CTBS: variants seen among roughly 807,000 people sequenced by gnomAD.
The protein encoded by CTBS is chitobiase.
A neutral mutation model predicts 44.3 loss-of-function variants in CTBS; 35 were observed. The ratio of observed to expected loss-of-function variants is 0.79; its 90% confidence interval spans 0.60 to 1.05. The LOEUF is 1.05. CTBS is among the 50% of genes least tolerant of loss of function. CTBS has a pLI of 0.00. For missense variants in CTBS, 458 were observed against 475.3 expected (o/e 0.96, Z 0.34); for synonymous variants, 143 against 168.0 (o/e 0.85, Z 1.15).
At position 84,563,319 on chromosome 1, in the gene CTBS, T is replaced by G; in HGVS notation, c.895A>C (p.Asn299His). 4 of 1,598,920 alleles carry G rather than the reference T, an allele frequency of 2.5e-6. No individual in the cohort carries two copies. The highest frequency in any genetic ancestry group is 3.4e-6 in the Non-Finnish European group (4 of 1,173,120). Residue 299 changes from asparagine to histidine, a missense_variant, in exon 6 of 7, where the codon AAT becomes CAT. Physicochemically the swap from Asn to His is moderately conservative, Grantham distance 68. Coordinates refer to ENST00000370630, the MANE Select transcript of CTBS (RefSeq NM_004388.3). ...CATAGGTTTCCAGAAATAGAACTAT[T>G]TATTTGCTTCATGATCGTTTTGTAG... is the stretch of plus-strand genomic sequence containing the variant. Reference protein sequence around the residue: ...VPYKTIMKQINSSISGNLWDK... With the variant: ...VPYKTIMKQIHSSISGNLWDK...
chr1:84,557,943 GT>G (rs1684496864), intron 6 of CTBS, among the ~76,000 whole-genome samples: 1 of 151,896 alleles, frequency 6.6e-6, no homozygotes. Flanking sequence ...GCACCAAAAT[GT>G]TTCCTGAATT....
chr1:84,565,928 G>A lies in CTBS; in HGVS notation c.610C>T (p.Leu204Phe), dbSNP rs1375633255. The change falls in exon 4 of 7, where the codon CTC (leucine) becomes TTC (phenylalanine). Residue 204 changes from leucine (L) to phenylalanine (F), a missense_variant. Transcript: ENST00000370630. Reference protein sequence around the residue: ...YTGIADACDFLFVMSYDEQSQ... With the variant: ...YTGIADACDFFFVMSYDEQSQ... ...TGTTCATCATAAGACATCACAAAGA[G>A]GAAGTCACAAGCATCTGCGATTCCA... 4.4e-6 allele frequency: 7 copies of A among 1,601,972 alleles called. No individual in the cohort carries two copies. The South Asian group carries it at 7.9e-5, about 18-fold the overall frequency.
rs757159462 is a variant in CTBS, at chr1:84,565,843, G to A, written c.695C>T (p.Thr232Ile). 4.8e-5 allele frequency: 73 copies of A among 1,522,848 alleles called. No homozygotes were observed. The Middle Eastern group carries it at 5.1e-4, about 11-fold the overall frequency. The allele number at this position is 1,522,848 out of a possible 1,614,324, so 94.3% of individuals were successfully genotyped here. A position where few individuals can be genotyped will look rare whatever the true frequency, so the allele number is the denominator to read the frequency against. The change falls in exon 4 of 7, where the codon ACT becomes ATT. Residue 232 changes from threonine to isoleucine, a missense_variant and splice_region_variant. Transcript: ENST00000370630. ...AANAPYNQTL[T>I]GYNDYIKMSI... ...AATGACCATGTTTAGAGTCTTACCAGTTAATGTCTGATTATAGGGAGCATT... is the reference window on the plus strand; with the variant it reads ...AATGACCATGTTTAGAGTCTTACCAATTAATGTCTGATTATAGGGAGCATT...
chr1:84,564,956 T>A (rs1209345525), intron 4 of CTBS, among the ~76,000 whole-genome samples: 1 of 152,074 alleles, frequency 6.6e-6, no homozygotes, highest in Non-Finnish European at 1.5e-5. Flanking sequence ...GGGGGATCAC[T>A]TAAGCCCAGG....
chr1:84,568,548 A>C (rs1429568928), intron 3 of CTBS, among the ~76,000 whole-genome samples: 1 of 152,228 alleles, frequency 6.6e-6, no homozygotes, highest in Non-Finnish European at 1.5e-5. Flanking sequence ...CAACTCTACC[A>C]GAATCACCTA....
At chr1:84,574,207 C>T (rs181008916) in intron 1 of CTBS, 32 bp downstream of exon 1, 8 of 1,596,256 alleles carry the variant, frequency 5.0e-6, no homozygotes, top group Non-Finnish European at 6.0e-6. Context: ...GCCCTGAAGC[C>T]CAGACCTAGA....
intron 6 of CTBS, among the ~76,000 whole-genome samples, chr1:84,557,940 A>C (rs1414577244): frequency 6.6e-6 from 1 of 152,086 alleles, no homozygotes; most frequent in Non-Finnish European, 1.5e-5. Flanking sequence ...TGCGCACCAA[A>C]ATGTTTCCTG....
chr1:84,552,218 A>C lies in CTBS; in HGVS notation c.*2781T>G, dbSNP rs1684294752. The C allele has an allele frequency of 6.6e-6, 1 of 152,166 alleles. No individual in the cohort carries two copies. The highest frequency in any genetic ancestry group is 6.6e-5 in the Admixed American group (1 of 15,266). 9.4% of individuals were successfully genotyped at this position (152,166 alleles called of 1,614,324 possible). On this transcript the variant is annotated 3_prime_UTR_variant, in exon 7 of 7. Coordinates refer to ENST00000370630, the MANE Select transcript of CTBS (RefSeq NM_004388.3). ...AAAAAACCCAGCCTGAGTCTCTTGCAACCATATTTATTCAAGATAGTATAG... is the reference window on the plus strand; with the variant it reads ...AAAAAACCCAGCCTGAGTCTCTTGCCACCATATTTATTCAAGATAGTATAG...
chr1:84,554,996 TG>T lies in CTBS; in HGVS notation c.*2del, dbSNP rs1399023499. The stretch of plus-strand genomic sequence containing the variant: ...TAACTCTTAATGGTTTGACAAAAGA[TG>T]TTCATCTCTGTAACAGCTTTGGCTT... On this transcript the variant is annotated 3_prime_UTR_variant, in exon 7 of 7. Transcript: ENST00000370630. The T allele has an allele frequency of 1.2e-6, 2 of 1,612,290 alleles. No homozygotes were observed. Among genetic ancestry groups the T allele is most frequent in the African/African-American group, 2.7e-5 (2 of 74,890 alleles).
At chr1:84,557,551 A>G (rs58318659) in intron 6 of CTBS, among the ~76,000 whole-genome samples, 11,640 of 122,072 alleles carry the variant, frequency 0.095, 930 homozygotes, top group African/African-American at 0.24. Context: ...AAAAAAAAAA[A>G]AAGAAAAAAA....
chr1:84,558,197 G>A (rs1202626232), intron 6 of CTBS, among the ~76,000 whole-genome samples: 2 of 151,976 alleles, frequency 1.3e-5, no homozygotes, highest in Non-Finnish European at 2.9e-5. Context: ...TAATACATAT[G>A]TTAAATAACT....
chr1:84,565,106 G>A (rs1204183939), intron 4 of CTBS, among the ~76,000 whole-genome samples: 1 of 151,958 alleles, frequency 6.6e-6, no homozygotes, highest in African/African-American at 2.4e-5. Context: ...AGCTACTCAG[G>A]AGGCTAAGGC....
intron 6 of CTBS, among the ~76,000 whole-genome samples, chr1:84,562,250 G>A (rs750171572): frequency 6.6e-6 from 1 of 152,344 alleles, no homozygotes; most frequent in South Asian, 2.1e-4. Context: ...TTGCACACAT[G>A]TGCATCTGTG....
At chr1:84,555,291 T>C in intron 6 of CTBS, 92 bp from the exon 7 acceptor site, 1 of 977,984 alleles carries the variant, frequency 1.0e-6, no homozygotes. Context: ...TACAGTACAG[T>C]AAGAGGGAAA....
chr1:84,570,587 A>G lies in CTBS; in HGVS notation c.311T>C (p.Leu104Pro), dbSNP rs751010857. ...YAHSKGARVV[L>P]KGDVSLKDII... ...TAGATCTGGAAACAACATACCTTTA[A>G]GTACTACTCTGGCTCCTTTTGAATG... The change falls in exon 2 of 7, where the codon CTT becomes CCT. Residue 104 changes from leucine to proline, a missense_variant. Leu to Pro is a moderately conservative substitution (Grantham distance 98). Coordinates refer to ENST00000370630, the MANE Select transcript of CTBS (RefSeq NM_004388.3). 5 of 1,610,478 alleles carry G rather than the reference A, an allele frequency of 3.1e-6. No homozygotes were observed. Among genetic ancestry groups the G allele is most frequent in the Non-Finnish European group, 4.2e-6 (5 of 1,178,062 alleles).
rs7517918 is a variant in CTBS at position 84,570,156 on chromosome 1, T to C, written c.317-17A>G. 6.3e-7 allele frequency: 1 copy of C among 1,594,520 alleles called. No homozygotes were observed. The highest frequency in any genetic ancestry group is 1.8e-5 in the Admixed American group (1 of 56,812). The stretch of plus-strand genomic sequence containing the variant: ...ATACATCTCCTGTGGAAGAAGTATA[T>C]ATCTTTTGAACATGTATGCAAAAAC... On this transcript the variant is annotated splice_polypyrimidine_tract_variant and intron_variant, in intron 2 of 6. Coordinates refer to ENST00000370630, the MANE Select transcript of CTBS (RefSeq NM_004388.3).
intron 6 of CTBS, among the ~76,000 whole-genome samples, chr1:84,556,260 G>T (rs528770522): frequency 6.6e-6 from 1 of 152,194 alleles, no homozygotes; most frequent in South Asian, 2.1e-4. Flanking sequence ...AAAGTGCAAA[G>T]GAAGGTGAAA....
At chr1:84,564,506 G>A (rs1684652802) in intron 4 of CTBS, among the ~76,000 whole-genome samples, 1 of 152,134 alleles carries the variant, frequency 6.6e-6, no homozygotes. Flanking sequence ...GGTGGGGTAT[G>A]TATCAGTTCC....
chr1:84,550,375 G>C lies in CTBS; in HGVS notation c.*4624C>G. 1.2e-6 allele frequency: 1 copy of C among 842,134 alleles called. No individual in the cohort carries two copies. Among genetic ancestry groups the C allele is most frequent in the South Asian group, 3.0e-5 (1 of 33,624 alleles). 52.2% of individuals were successfully genotyped at this position (842,134 alleles called of 1,614,324 possible). A position where few individuals can be genotyped will look rare whatever the true frequency, so the allele number is the denominator to read the frequency against. On this transcript the variant is annotated 3_prime_UTR_variant, in exon 7 of 7. Transcript: ENST00000370630. ...TTTCATAGTTTATGTTCACAAGGCAGTTAAAAATAAAAATGTTTATATGTT... is the reference window on the plus strand; with the variant it reads ...TTTCATAGTTTATGTTCACAAGGCACTTAAAAATAAAAATGTTTATATGTT...
Sources: gnomAD v4.1 joint callset for allele counts (sites outside exome capture counted in the v4.1 genomes callset) on GRCh38, gnomAD v4.1.1 for gene constraint, MANE v1.5 for transcripts, NCBI Gene and HGNC (gene_info 2026-07-23, HGNC 2026-07-21) for gene names.